The following MTUS2 variants were observed in gnomAD, a reference collection of about 807,000 sequenced individuals.
The protein encoded by MTUS2 is microtubule associated scaffold protein 2.
In MTUS2, 40 loss-of-function variants were observed where a neutral mutation model predicts 114.1. The observed-to-expected ratio is 0.35, with a 90% confidence interval of 0.27 to 0.46. MTUS2 has a LOEUF of 0.46. Ranked by LOEUF, MTUS2 falls within the 20% of genes least tolerant of loss-of-function variation. The pLI, the probability that MTUS2 is intolerant of heterozygous loss-of-function variation, is 1.00. For synonymous variants in MTUS2, 688 were observed against 672.0 expected, an observed-to-expected ratio of 1.02 and a Z score of -0.37; for missense variants, 1,679 against 1,705.4, an observed-to-expected ratio of 0.98 and a Z score of 0.27.
chr13:28,959,219 C>G (rs890105033), intron 2 of MTUS2, among the ~76,000 whole-genome samples: 2 of 152,232 alleles, frequency 1.3e-5, no homozygotes, highest in African/African-American at 2.4e-5. Context: ...CTGATCACCT[C>G]TCGACTCCAG....
At chr13:29,281,672 G>A in intron 5 of MTUS2, 32 bp from the exon 6 acceptor site, 1 of 1,558,970 alleles carries the variant, frequency 6.4e-7, no homozygotes, top group Non-Finnish European at 8.7e-7. Context: ...TTTTCATGAA[G>A]TTATAATTAA....
intron 6 of MTUS2, 32 bp downstream of exon 6, chr13:29,281,897 G>T (rs370295114): frequency 3.2e-6 from 5 of 1,540,310 alleles, no homozygotes; most frequent in Non-Finnish European, 4.4e-6. Flanking sequence ...AGGCTCCATG[G>T]TGGAGTGCCC....
rs371020983 is a variant in MTUS2 at position 29,253,303 on chromosome 13, G to A, written c.2645-28401G>A. On this transcript the variant is annotated intron_variant, in intron 5 of 15. Transcript: ENST00000612955. ...TAGCCAGGTGTGGTGGCACACACCT[G>A]TAATCCCAGCTACTCGGGAGGCTGA... Among the ~76,000 whole-genome samples, 67 of 152,048 alleles carry A rather than the reference G, an allele frequency of 4.4e-4. No homozygotes were observed. In the South Asian group the frequency reaches 0.014, roughly 31 times the overall value.
At chr13:28,930,445 A>C (rs533170072) in intron 2 of MTUS2, among the ~76,000 whole-genome samples, 188 of 152,190 alleles carry the variant, frequency 1.2e-3, no homozygotes, top group African/African-American at 3.8e-3. Flanking sequence ...TTGGGCTGGG[A>C]ATGGGAGCCA....
intron 5 of MTUS2, among the ~76,000 whole-genome samples, chr13:29,152,823 A>G (rs1892713724): frequency 6.6e-6 from 1 of 152,180 alleles, no homozygotes; most frequent in African/African-American, 2.4e-5. Flanking sequence ...AGAAACCGCA[A>G]TGAGTCCAGC....
chr13:29,378,316 A>T (rs968317825), intron 8 of MTUS2, among the ~76,000 whole-genome samples: 2 of 152,070 alleles, frequency 1.3e-5, no homozygotes, highest in African/African-American at 4.8e-5. Flanking sequence ...GCGATAATTC[A>T]TATGGTTGTT....
At chr13:29,356,924 C>T (rs1869789353) in intron 7 of MTUS2, among the ~76,000 whole-genome samples, 1 of 152,162 alleles carries the variant, frequency 6.6e-6, no homozygotes, top group South Asian at 2.1e-4. Flanking sequence ...GCTAAACTTT[C>T]ACTTGGTGTG....
At chr13:29,383,585 T>C (rs1006266879) in intron 8 of MTUS2, among the ~76,000 whole-genome samples, 1 of 152,152 alleles carries the variant, frequency 6.6e-6, no homozygotes, top group Non-Finnish European at 1.5e-5. Context: ...AGGGAAGATT[T>C]CTCATCCTGG....
At chr13:29,347,056 C>T (rs1265186669) in intron 7 of MTUS2, among the ~76,000 whole-genome samples, 20 of 151,812 alleles carry the variant, frequency 1.3e-4, no homozygotes, top group African/African-American at 3.9e-4. Flanking sequence ...TCAAAGGGTC[C>T]GTGGATTCTC....
At chr13:29,300,882 A>T (rs1899172631) in intron 6 of MTUS2, among the ~76,000 whole-genome samples, 1 of 152,254 alleles carries the variant, frequency 6.6e-6, no homozygotes, top group Non-Finnish European at 1.5e-5. Flanking sequence ...TGAGCGGCTT[A>T]TAAACAACGA....
At chr13:29,227,779 A>G (rs757587827) in intron 5 of MTUS2, among the ~76,000 whole-genome samples, 1 of 152,222 alleles carries the variant, frequency 6.6e-6, no homozygotes, top group Non-Finnish European at 1.5e-5. Flanking sequence ...GTTACATACT[A>G]TTTCTATTAT....
intron 5 of MTUS2, among the ~76,000 whole-genome samples, chr13:29,253,412 C>G (rs1471599834): frequency 6.6e-6 from 1 of 151,068 alleles, no homozygotes; most frequent in Non-Finnish European, 1.5e-5. Flanking sequence ...GGTGACAGAG[C>G]AAGACTCCAT....
intron 2 of MTUS2, among the ~76,000 whole-genome samples, chr13:29,016,538 G>A (rs1886073868): frequency 6.6e-6 from 1 of 151,978 alleles, no homozygotes; most frequent in African/African-American, 2.4e-5. Context: ...CTGGTCCTCT[G>A]TAGAGGGGAA....
chr13:29,470,194 T>G (rs1046184324), intron 9 of MTUS2, among the ~76,000 whole-genome samples: 3 of 152,154 alleles, frequency 2.0e-5, no homozygotes, highest in African/African-American at 7.2e-5. Context: ...ATCCTGAGGC[T>G]CCATGCTTTT....
rs568685422 is a variant in MTUS2 at position 29,378,011 on chromosome 13, G to T, written c.3117+18538G>T. Reference sequence around the variant, plus strand: ...CAGAACATGCTGAGTGAAAGAAGCTGGTCTCGAAAGGTTACGCACTGTCTG... The same window carrying T: ...CAGAACATGCTGAGTGAAAGAAGCTTGTCTCGAAAGGTTACGCACTGTCTG... On this transcript the variant is annotated intron_variant, in intron 8 of 15. Coordinates refer to ENST00000612955, the MANE Select transcript of MTUS2 (RefSeq NM_001033602.4). Among the ~76,000 whole-genome samples the T allele has an allele frequency of 4.1e-4, 62 of 152,278 alleles. 1 individual carries two copies. The highest frequency in any genetic ancestry group is 1.4e-3 in the African/African-American group (60 of 41,568).
chr13:29,241,511 T>A (rs1477832347), intron 5 of MTUS2, among the ~76,000 whole-genome samples: 3 of 152,128 alleles, frequency 2.0e-5, no homozygotes, highest in Non-Finnish European at 2.9e-5. Context: ...TCACCTCTCC[T>A]GGGAAGCTTT....
intron 2 of MTUS2, among the ~76,000 whole-genome samples, chr13:29,012,596 G>A (rs749648249): frequency 3.3e-5 from 5 of 151,726 alleles, no homozygotes; most frequent in South Asian, 4.2e-4. Context: ...GGTCCAGCCC[G>A]GGCGGGGTGG....
At chr13:29,310,462 T>C (rs1413222066) in intron 6 of MTUS2, among the ~76,000 whole-genome samples, 1 of 152,360 alleles carries the variant, frequency 6.6e-6, no homozygotes, top group East Asian at 1.9e-4. Context: ...TAGTATTTAG[T>C]TTACACTTGG....
intron 2 of MTUS2, among the ~76,000 whole-genome samples, chr13:28,980,197 A>T (rs1238899163): frequency 6.6e-6 from 1 of 152,264 alleles, no homozygotes; most frequent in Non-Finnish European, 1.5e-5. Context: ...AATTGATTAC[A>T]ATAGAGTCCA....
Sources: gnomAD v4.1 joint callset for allele counts (sites outside exome capture counted in the v4.1 genomes callset) on GRCh38, gnomAD v4.1.1 for gene constraint, MANE v1.5 for transcripts, NCBI Gene and HGNC (gene_info 2026-07-23, HGNC 2026-07-21) for gene names.